Variants in PDLIM7 observed in about 807,000 individuals in gnomAD.
The protein encoded by PDLIM7 is PDZ and LIM domain protein 7.
A neutral mutation model predicts 53.9 loss-of-function variants in PDLIM7; 37 were observed. The ratio of observed to expected loss-of-function variants is 0.69; its 90% CI spans 0.53 to 0.90. PDLIM7 has a LOEUF of 0.90. Ranked by LOEUF, PDLIM7 falls within the 40% of genes least tolerant of loss-of-function variation. PDLIM7 has a pLI of 0.00. For missense variants in PDLIM7, 617 were observed against 638.5 expected (o/e 0.97, Z 0.36); for synonymous variants, 300 against 261.3 (o/e 1.15, Z -1.43).
At chr5:177,497,113 A>G (rs1393601726) in intron 1 of PDLIM7, among the ~76,000 whole-genome samples, 1 of 148,522 alleles carries the variant, frequency 6.7e-6, no homozygotes, top group African/African-American at 2.5e-5. Flanking sequence ...CCAGGGCGGG[A>G]CCCCTGGGTG....
intron 9 of PDLIM7, among the ~76,000 whole-genome samples, chr5:177,488,939 G>A (rs901203818): frequency 3.3e-5 from 5 of 152,110 alleles, no homozygotes; most frequent in Non-Finnish European, 7.4e-5. Flanking sequence ...CCAGGCCTGC[G>A]AATTAGGAAG....
chr5:177,493,988 G>A (rs139112786), intron 2 of PDLIM7, among the ~76,000 whole-genome samples: 24 of 152,284 alleles, frequency 1.6e-4, no homozygotes, highest in Non-Finnish European at 3.2e-4. Flanking sequence ...GAAAAGAAAG[G>A]CGAGCTGGGC....
chr5:177,491,923 G>T lies in PDLIM7; in HGVS notation c.282C>A (p.Ala94=). The T allele has an allele frequency of 7.9e-7, 1 of 1,269,248 alleles. No homozygotes were observed. The allele number at this position is 1,269,248 out of a possible 1,614,324, so 78.6% of individuals were successfully genotyped here. The change falls in exon 5 of 13, where the codon GCC becomes GCA. Residue 94 remains alanine (A), a splice_region_variant and synonymous_variant. Transcript: ENST00000355841. The stretch of plus-strand genomic sequence containing the variant: ...GCGGAGGGTCCGCGGCGGGGGCGGA[G>T]GCCTGGGCAGAGACACAGCCGGGCA... ...AQPVQSKPQK[A]SAPAADPPRY...
intron 12 of PDLIM7, 53 bp from the exon 13 acceptor site, chr5:177,483,783 C>T (rs1758300589): frequency 6.3e-7 from 1 of 1,578,106 alleles, no homozygotes; most frequent in South Asian, 1.1e-5. Context: ...AGGAGAGGCC[C>T]CTTCCCAACT....
rs1255668806 is a variant in PDLIM7 at position 177,491,127 on chromosome 5, C to G, written c.418G>C (p.Val140Leu). 6.2e-7 allele frequency: 1 copy of G among 1,611,496 alleles called. No individual in the cohort carries two copies. ...QQNGQPLRPL[V>L]PDASKQRLME... ...AGCCGCTGCTTGCTGGCATCTGGGACCAGCGGTCGGAGCGGCTGTCTGTGG... is the reference window on the plus strand; with the variant it reads ...AGCCGCTGCTTGCTGGCATCTGGGAGCAGCGGTCGGAGCGGCTGTCTGTGG... Residue 140 changes from valine (V) to leucine (L), a missense_variant, in exon 6 of 13, where the codon GTC (valine) becomes CTC (leucine). Physicochemically the swap from Val to Leu is conservative, Grantham distance 32 (BLOSUM62 1). Coordinates refer to ENST00000355841, the MANE Select transcript of PDLIM7 (RefSeq NM_005451.5).
Position 177,492,528 on chromosome 5 carries a change from G to A in PDLIM7, c.246C>T (p.Ser82=), listed in dbSNP as rs138696617. The A allele has an allele frequency of 1.9e-6, 3 of 1,613,614 alleles. No individual in the cohort carries two copies. Among genetic ancestry groups the A allele is most frequent in the Non-Finnish European group, 2.5e-6 (3 of 1,179,764 alleles). ...CCCATCCATGTCCACCCGCATACCT[G>A]CTGAGGCCCAGGCTGAGGCGCTCCC... ...ACGERLSLGL[S]RAQPVQSKPQ... The change falls in exon 3 of 13, where the codon AGC becomes AGT. Residue 82 remains serine, a splice_region_variant and synonymous_variant. Coordinates refer to ENST00000355841, the MANE Select transcript of PDLIM7 (RefSeq NM_005451.5).
chr5:177,491,911 G>C lies in PDLIM7; in HGVS notation c.294C>G (p.Ala98=). The change falls in exon 5 of 13, where the codon GCC becomes GCG. Residue 98 remains alanine (A), a synonymous_variant. Transcript: ENST00000355841. ...CAAAGGTGTACCGCGGAGGGTCCGC[G>C]GCGGGGGCGGAGGCCTGGGCAGAGA... ...QSKPQKASAP[A]ADPPRYTFAP... The C allele has an allele frequency of 7.8e-7, 1 of 1,284,118 alleles. No homozygotes were observed. Among genetic ancestry groups the C allele is most frequent in the Non-Finnish European group, 9.9e-7 (1 of 1,010,616 alleles). The allele number at this position is 1,284,118 out of a possible 1,614,324, so 79.5% of individuals were successfully genotyped here.
At chr5:177,489,207 G>T (rs932142638) in intron 9 of PDLIM7, among the ~76,000 whole-genome samples, 186 bp downstream of exon 9, 61 of 152,228 alleles carry the variant, frequency 4.0e-4, no homozygotes, top group African/African-American at 1.4e-3. Context: ...AGTTGTTGTG[G>T]GTGGGCTGGG....
In PDLIM7 at chr5:177,484,199, A is replaced by C; in HGVS notation, c.1051-9T>G. The C allele has an allele frequency of 6.2e-7, 1 of 1,612,478 alleles. No homozygotes were observed. The highest frequency in any genetic ancestry group is 8.5e-7 in the Non-Finnish European group (1 of 1,179,834). The stretch of plus-strand genomic sequence containing the variant: ...AGGGCGTGCATGATCTCCTGGAAGG[A>C]GGTCCCAGTCACTCGGCAGGCTCAG... On this transcript the variant is annotated splice_polypyrimidine_tract_variant and intron_variant, in intron 10 of 12. Coordinates refer to ENST00000355841, the MANE Select transcript of PDLIM7 (RefSeq NM_005451.5).
At chr5:177,488,600 A>G (rs770991175) in intron 9 of PDLIM7, among the ~76,000 whole-genome samples, 1 of 152,200 alleles carries the variant, frequency 6.6e-6, no homozygotes, top group African/African-American at 2.4e-5. Context: ...AAGAGCTGAT[A>G]GAGTCGGCTG....
At chr5:177,496,273 C>G (rs948778753) in intron 2 of PDLIM7, 144 bp downstream of exon 2, 1 of 565,928 alleles carries the variant, frequency 1.8e-6, no homozygotes, top group Non-Finnish European at 3.0e-6. Flanking sequence ...TTGTGGCAGG[C>G]AGGTACCACT....
At chr5:177,490,430 G>A (rs1758689673) in intron 7 of PDLIM7, 3 of 1,525,450 alleles carry the variant, frequency 2.0e-6, no homozygotes, top group South Asian at 2.4e-5. Context: ...AGGCACTAAG[G>A]GGGTGCCCTG....
At chr5:177,486,834 TG>T (rs1443722855) in intron 10 of PDLIM7, among the ~76,000 whole-genome samples, 2 of 150,884 alleles carry the variant, frequency 1.3e-5, no homozygotes, top group Admixed American at 1.3e-4. Context: ...GGTTTCACCG[TG>T]TTAGCCAGGA....
chr5:177,497,185 C>T (rs1759133928), intron 1 of PDLIM7, among the ~76,000 whole-genome samples: 2 of 152,066 alleles, frequency 1.3e-5, no homozygotes, highest in South Asian at 2.1e-4. Context: ...GGGCTGGGAC[C>T]CTCAAGCATA....
rs1034011636 is a variant in PDLIM7, at chr5:177,484,283, T to C, written c.1051-93A>G. Reference sequence around the variant, plus strand: ...CAGGAGGGCTGGCCGCAAGCCCTGTTCCTTCTCGCGGTAAACACTACATCT... The same window carrying C: ...CAGGAGGGCTGGCCGCAAGCCCTGTCCCTTCTCGCGGTAAACACTACATCT... On this transcript the variant is annotated intron_variant, in intron 10 of 12. Transcript: ENST00000355841. The C allele has an allele frequency of 2.7e-6, 4 of 1,501,680 alleles. No individual in the cohort carries two copies. The Admixed American group carries it at 7.2e-5, about 27-fold the overall frequency. The allele number at this position is 1,501,680 out of a possible 1,614,324, so 93.0% of individuals were successfully genotyped here.
intron 7 of PDLIM7, 110 bp downstream of exon 7, chr5:177,490,760 A>C: frequency 1.6e-6 from 1 of 631,180 alleles, no homozygotes; most frequent in Non-Finnish European, 2.4e-6. Flanking sequence ...GAAGGAAGGA[A>C]GGAAGGGAGA....
chr5:177,490,704 A>G (rs1023583921), intron 7 of PDLIM7, 166 bp downstream of exon 7: 38 of 905,104 alleles, frequency 4.2e-5, no homozygotes, highest in Middle Eastern at 3.3e-4. Flanking sequence ...GAAGGAAGGA[A>G]GGAGGAAGGG....
At chr5:177,493,515 C>T (rs892222816) in intron 2 of PDLIM7, among the ~76,000 whole-genome samples, 6 of 152,234 alleles carry the variant, frequency 3.9e-5, no homozygotes, top group Non-Finnish European at 7.3e-5. Flanking sequence ...AGGAGAATGG[C>T]GTGTGCTGCC....
intron 10 of PDLIM7, among the ~76,000 whole-genome samples, chr5:177,485,183 G>T (rs775820616): frequency 6.6e-6 from 1 of 152,220 alleles, no homozygotes; most frequent in Admixed American, 6.5e-5. Flanking sequence ...CAGCCAAAAT[G>T]TAAGGCCCAG....
Sources: allele counts gnomAD v4.1 joint callset (sites outside exome capture counted in the v4.1 genomes callset), GRCh38; gene constraint gnomAD v4.1.1; transcripts MANE v1.5; gene names NCBI Gene and HGNC (gene_info 2026-07-23, HGNC 2026-07-21).